Variants in BICC1 observed in about 807,000 individuals in gnomAD.
The protein encoded by BICC1 is BicC family RNA binding protein 1.
BICC1 carries 43 observed loss-of-function variants against 111.0 expected under a neutral mutation model. The observed-to-expected ratio is 0.39, with a 90% confidence interval of 0.30 to 0.50. The LOEUF is 0.50. BICC1 is among the 20% of genes least tolerant of loss of function. The pLI, the probability that BICC1 is intolerant of heterozygous loss-of-function variation, is 0.88. For missense variants in BICC1, 1,091 were observed against 1,203.2 expected, an observed-to-expected ratio of 0.91 and a Z score of 1.38; for synonymous variants, 467 against 434.4, an observed-to-expected ratio of 1.07 and a Z score of -0.93.
At chr10:58,523,000 C>T (rs1026793092) in intron 1 of BICC1, among the ~76,000 whole-genome samples, 4 of 152,094 alleles carry the variant, frequency 2.6e-5, no homozygotes, top group Non-Finnish European at 5.9e-5. Flanking sequence ...CAAGACTAAA[C>T]CAGGAAGAAG....
chr10:58,607,824 A>G lies in BICC1; in HGVS notation c.191-13031A>G, dbSNP rs536820715. Among the ~76,000 whole-genome samples the G allele has an allele frequency of 2.0e-5, 3 of 152,322 alleles. No homozygotes were observed. The East Asian group carries it at 5.8e-4, about 29-fold the overall frequency. Reference sequence around the variant, plus strand: ...AACTGCTACATGGCTGTCTTATGATAGTACAGTCCGTAACAGGTAGAGCAT... The same window carrying G: ...AACTGCTACATGGCTGTCTTATGATGGTACAGTCCGTAACAGGTAGAGCAT... On this transcript the variant is annotated intron_variant, in intron 1 of 20. Transcript: ENST00000373886.
intron 15 of BICC1, among the ~76,000 whole-genome samples, chr10:58,805,480 A>G (rs1843683529): frequency 6.6e-6 from 1 of 152,238 alleles, no homozygotes; most frequent in African/African-American, 2.4e-5. Flanking sequence ...TAATAATTAA[A>G]AATTGATTTT....
At chr10:58,796,627 T>TGCCGGGCGCGGTGGCTCACGCC in intron 10 of BICC1, 101 bp downstream of exon 10, 1 of 1,187,832 alleles carries the variant, frequency 8.4e-7, no homozygotes, top group East Asian at 2.6e-5. Context: ...GGCTATTTTT[T>TGCCGGGCGCGGTGGCTCACGCC]TTTCCTTTGG....
At chr10:58,718,020 C>G (rs189052946) in intron 3 of BICC1, among the ~76,000 whole-genome samples, 1 of 152,208 alleles carries the variant, frequency 6.6e-6, no homozygotes, top group African/African-American at 2.4e-5. Context: ...ATTGTTTAAT[C>G]TGTTTGTGGA....
At chr10:58,634,159 T>A (rs1013576993) in intron 2 of BICC1, among the ~76,000 whole-genome samples, 18 of 151,780 alleles carry the variant, frequency 1.2e-4, no homozygotes, top group African/African-American at 4.4e-4. Flanking sequence ...GACTGGCTAA[T>A]TTTTTGTATT....
At chr10:58,554,843 G>A (rs1843399416) in intron 1 of BICC1, among the ~76,000 whole-genome samples, 1 of 136,850 alleles carries the variant, frequency 7.3e-6, no homozygotes, top group Admixed American at 7.7e-5. Flanking sequence ...ATTTAATTTT[G>A]GTATAATAAA....
chr10:58,659,559 A>C (rs1038327169), intron 2 of BICC1, among the ~76,000 whole-genome samples: 18 of 152,114 alleles, frequency 1.2e-4, no homozygotes, highest in African/African-American at 4.3e-4. Context: ...GGCCTAACTG[A>C]GGGTGGAGGG....
At chr10:58,593,916 A>G (rs774262215) in intron 1 of BICC1, among the ~76,000 whole-genome samples, 2 of 151,944 alleles carry the variant, frequency 1.3e-5, no homozygotes, top group Non-Finnish European at 2.9e-5. Context: ...GTGGGTAGTA[A>G]CAGACTCCTC....
At chr10:58,741,663 AAC>A (rs1564586737) in intron 3 of BICC1, among the ~76,000 whole-genome samples, 3 of 152,194 alleles carry the variant, frequency 2.0e-5, no homozygotes, top group African/African-American at 7.2e-5. Flanking sequence ...TTGCATTACA[AAC>A]GGGAAACTGA....
chr10:58,819,673 A>G (rs1370940501), intron 19 of BICC1, among the ~76,000 whole-genome samples: 3 of 152,164 alleles, frequency 2.0e-5, no homozygotes, highest in Non-Finnish European at 4.4e-5. Context: ...AAGATACAGT[A>G]TTGTCAACCC....
intron 11 of BICC1, 67 bp from the exon 12 acceptor site, chr10:58,798,989 G>A: frequency 2.5e-6 from 3 of 1,191,168 alleles, no homozygotes; most frequent in Non-Finnish European, 3.5e-6. Context: ...TATTTTTATT[G>A]TTAATAAAAA....
intron 1 of BICC1, among the ~76,000 whole-genome samples, chr10:58,551,430 G>GAAT (rs1843292442): frequency 6.6e-6 from 1 of 152,064 alleles, no homozygotes; most frequent in Non-Finnish European, 1.5e-5. Context: ...ACATATTGTG[G>GAAT]AATAGCTCAA....
chr10:58,657,874 A>G (rs1472296394), intron 2 of BICC1, among the ~76,000 whole-genome samples: 2 of 152,140 alleles, frequency 1.3e-5, no homozygotes, highest in Non-Finnish European at 2.9e-5. Context: ...AAAGAATTCA[A>G]CCAGTCCCCA....
intron 3 of BICC1, among the ~76,000 whole-genome samples, chr10:58,750,277 A>G (rs376720885): frequency 3.9e-5 from 6 of 152,118 alleles, no homozygotes; most frequent in African/African-American, 1.2e-4. Context: ...TGAAAGTTTT[A>G]TACTCAGTGT....
At chr10:58,734,427 T>A (rs1282699129) in intron 3 of BICC1, among the ~76,000 whole-genome samples, 1 of 152,248 alleles carries the variant, frequency 6.6e-6, no homozygotes, top group Non-Finnish European at 1.5e-5. Context: ...AACAAAATCG[T>A]TAACATTTCC....
chr10:58,815,378 G>A (rs879676935), intron 18 of BICC1, among the ~76,000 whole-genome samples: 3 of 152,276 alleles, frequency 2.0e-5, no homozygotes, highest in Middle Eastern at 3.4e-3. Context: ...CTGGCTGGAC[G>A]CTCCACCACT....
intron 1 of BICC1, among the ~76,000 whole-genome samples, chr10:58,533,759 G>A (rs1224851883): frequency 6.6e-6 from 1 of 151,684 alleles, no homozygotes; most frequent in African/African-American, 2.4e-5. Context: ...AAGCTCTCTG[G>A]TGAAATACCC....
intron 1 of BICC1, among the ~76,000 whole-genome samples, chr10:58,516,777 TG>T (rs952549420): frequency 6.6e-6 from 1 of 152,206 alleles, no homozygotes; most frequent in Admixed American, 6.5e-5. Context: ...TATTGATTTA[TG>T]TAAGCCAATT....
At chr10:58,552,041 T>C (rs1160991303) in intron 1 of BICC1, among the ~76,000 whole-genome samples, 1 of 151,970 alleles carries the variant, frequency 6.6e-6, no homozygotes, top group Non-Finnish European at 1.5e-5. Flanking sequence ...GCTCATTTTG[T>C]GTGCTAACAC....
Sources: allele counts gnomAD v4.1 joint callset (sites outside exome capture counted in the v4.1 genomes callset), GRCh38; gene constraint gnomAD v4.1.1; transcripts MANE v1.5; gene names NCBI Gene and HGNC (gene_info 2026-07-23, HGNC 2026-07-21).